The following FAM81B variants were observed in gnomAD, a reference collection of about 807,000 sequenced individuals.
The protein encoded by FAM81B is family with sequence similarity 81 member B.
Under a neutral mutation model 58.7 loss-of-function variants are expected in FAM81B, and 60 were observed. The observed-to-expected ratio is 1.02, with a 90% CI of 0.83 to 1.27. The LOEUF (loss-of-function observed/expected upper bound fraction) is 1.27, where lower values mean the gene tolerates loss of function less well. Among genes scored for constraint, FAM81B ranks in the 50% most tolerant of loss-of-function variants. The pLI, the probability that FAM81B is intolerant of heterozygous loss-of-function variation, is 0.00. For synonymous variants in FAM81B, 189 were observed against 179.6 expected, an observed-to-expected ratio of 1.05 and a Z score of -0.42; for missense variants, 491 against 522.0, an observed-to-expected ratio of 0.94 and a Z score of 0.58.
Position 95,391,442 on chromosome 5 carries a change from C to T in FAM81B, c.53C>T (p.Ser18Leu). 6.2e-7 allele frequency: 1 copy of T among 1,613,630 alleles called. No individual in the cohort carries two copies. Among genetic ancestry groups the T allele is most frequent in the Non-Finnish European group, 8.5e-7 (1 of 1,179,736 alleles). Residue 18 changes from serine (S) to leucine (L), a missense_variant, in exon 1 of 10, where the codon TCA becomes TTA. Coordinates refer to ENST00000283357, the MANE Select transcript of FAM81B (RefSeq NM_152548.3). ...TLASSEKRKK[S>L]QRLFFKNIKS... ...GCTTCCTCAGAAAAAAGAAAAAAAT[C>T]ACAGAGATTGTTTTTCAAAAATATC...
intron 3 of FAM81B, among the ~76,000 whole-genome samples, chr5:95,397,434 G>A (rs771810364): frequency 6.6e-6 from 1 of 152,144 alleles, no homozygotes; most frequent in African/African-American, 2.4e-5. Context: ...GGAGAAAAGG[G>A]AAACTTGTCC....
At chr5:95,437,470 G>C (rs1282803820) in intron 7 of FAM81B, among the ~76,000 whole-genome samples, 1 of 152,148 alleles carries the variant, frequency 6.6e-6, no homozygotes, top group African/African-American at 2.4e-5. Flanking sequence ...TCAGCCTCCT[G>C]AGTAGCTGGG....
chr5:95,413,806 C>T (rs1762465023), intron 3 of FAM81B, 141 bp from the exon 4 acceptor site: 2 of 1,397,636 alleles, frequency 1.4e-6, no homozygotes, highest in Non-Finnish European at 1.9e-6. Flanking sequence ...AAATTCTAAC[C>T]ATGGCAAGTG....
intron 4 of FAM81B, among the ~76,000 whole-genome samples, chr5:95,416,908 G>A (rs1582802022): frequency 6.6e-6 from 1 of 152,044 alleles, no homozygotes; most frequent in African/African-American, 2.4e-5. Context: ...GCTGGGTAGG[G>A]TAGTGCACGC....
At chr5:95,423,616 A>C (rs935075126) in intron 5 of FAM81B, among the ~76,000 whole-genome samples, 4 of 152,130 alleles carry the variant, frequency 2.6e-5, no homozygotes, top group African/African-American at 9.7e-5. Context: ...TGTTCTTTAA[A>C]GAAACATAAT....
chr5:95,419,745 A>T (rs1423583146), intron 4 of FAM81B, among the ~76,000 whole-genome samples: 1 of 152,206 alleles, frequency 6.6e-6, no homozygotes, highest in African/African-American at 2.4e-5. Context: ...TTCATTGTGT[A>T]TGAATCAGGT....
At chr5:95,444,610 C>A (rs536534578) in intron 7 of FAM81B, among the ~76,000 whole-genome samples, 43 of 152,220 alleles carry the variant, frequency 2.8e-4, no homozygotes, top group African/African-American at 9.9e-4. Context: ...CATGATTAGA[C>A]TAAGAACACG....
At chr5:95,404,969 C>T (rs1762208016) in intron 3 of FAM81B, among the ~76,000 whole-genome samples, 1 of 152,086 alleles carries the variant, frequency 6.6e-6, no homozygotes, top group South Asian at 2.1e-4. Context: ...AGATTTTATT[C>T]TGAGAGAATG....
chr5:95,434,805 C>T (rs73141959), intron 6 of FAM81B, among the ~76,000 whole-genome samples: 3,046 of 152,208 alleles, frequency 0.02, 105 homozygotes, highest in African/African-American at 0.07. Context: ...TTGGCTGTGT[C>T]CTTTTGATAT....
intron 5 of FAM81B, among the ~76,000 whole-genome samples, chr5:95,428,200 A>G (rs554230245): frequency 6.6e-6 from 1 of 152,334 alleles, no homozygotes; most frequent in East Asian, 1.9e-4. Flanking sequence ...AAGAGAGGAA[A>G]GTGGATTTAG....
intron 7 of FAM81B, among the ~76,000 whole-genome samples, chr5:95,441,885 C>T (rs1745372613): frequency 6.6e-6 from 1 of 152,186 alleles, no homozygotes; most frequent in African/African-American, 2.4e-5. Context: ...TCTTGGCCAT[C>T]AGGAAATAAA....
chr5:95,412,668 GTC>G (rs1762435508), intron 3 of FAM81B, among the ~76,000 whole-genome samples: 1 of 152,158 alleles, frequency 6.6e-6, no homozygotes, highest in Non-Finnish European at 1.5e-5. Flanking sequence ...TTCCAAATCT[GTC>G]ATGGTTTGGG....
At position 95,450,352 on chromosome 5, in the gene FAM81B, G is replaced by C; in HGVS notation, c.*70G>C. 2 of 1,584,446 alleles carry C rather than the reference G, an allele frequency of 1.3e-6. No homozygotes were observed. Among genetic ancestry groups the C allele is most frequent in the Non-Finnish European group, 1.7e-6 (2 of 1,170,512 alleles). ...GTTGGAAAAAGTTCTGAAGAAGAAAGTTACTATCTCTGGGATGTTTACTGC... is the reference window on the plus strand; with the variant it reads ...GTTGGAAAAAGTTCTGAAGAAGAAACTTACTATCTCTGGGATGTTTACTGC... On this transcript the variant is annotated 3_prime_UTR_variant, in exon 10 of 10. Transcript: ENST00000283357.
chr5:95,428,378 A>G (rs564951448), intron 5 of FAM81B, among the ~76,000 whole-genome samples: 1 of 152,306 alleles, frequency 6.6e-6, no homozygotes, highest in East Asian at 1.9e-4. Flanking sequence ...AACTATTTCA[A>G]GTTGGTGCTC....
At chr5:95,441,542 C>T (rs968502314) in intron 7 of FAM81B, among the ~76,000 whole-genome samples, 2 of 151,874 alleles carry the variant, frequency 1.3e-5, no homozygotes, top group African/African-American at 4.8e-5. Flanking sequence ...CTCCTCCAGC[C>T]TGGCGACAGA....
chr5:95,417,825 T>C (rs902102744), intron 4 of FAM81B, among the ~76,000 whole-genome samples: 7 of 152,208 alleles, frequency 4.6e-5, no homozygotes, highest in African/African-American at 1.7e-4. Context: ...GGCTCCAGGC[T>C]GCTTGCAGTA....
At position 95,420,372 on chromosome 5, in the gene FAM81B, G is replaced by T; in HGVS notation, c.626G>T (p.Gly209Val). 1 of 1,613,838 alleles carries T rather than the reference G, an allele frequency of 6.2e-7. No homozygotes were observed. The highest frequency in any genetic ancestry group is 8.5e-7 in the Non-Finnish European group (1 of 1,179,768). ...GAGATAAACATCAAACACCTACAAG[G>T]AGTTGGAGATCTTCGAGGAAGAGTA... Reference protein sequence around the residue: ...VHEINIKHLQGVGDLRGRVAR... With the variant: ...VHEINIKHLQVVGDLRGRVAR... The change falls in exon 5 of 10, where the codon GGA (glycine) becomes GTA (valine). Residue 209 changes from glycine (G) to valine (V), a missense_variant. Gly to Val is a moderately radical substitution (Grantham distance 109). Coordinates refer to ENST00000283357, the MANE Select transcript of FAM81B (RefSeq NM_152548.3).
intron 2 of FAM81B, among the ~76,000 whole-genome samples, chr5:95,393,248 A>G (rs1276737764): frequency 6.6e-6 from 1 of 152,206 alleles, no homozygotes; most frequent in African/African-American, 2.4e-5. Context: ...TGTTTCCTTT[A>G]TTAGAACTTG....
chr5:95,420,140 T>C, intron 4 of FAM81B, 144 bp from the exon 5 acceptor site: 1 of 939,058 alleles, frequency 1.1e-6, no homozygotes, highest in Middle Eastern at 3.4e-4. Flanking sequence ...CAGAGATCAC[T>C]TCTCTCTGAG....
Sources: allele counts gnomAD v4.1 joint callset (sites outside exome capture counted in the v4.1 genomes callset), GRCh38; gene constraint gnomAD v4.1.1; transcripts MANE v1.5; gene names NCBI Gene and HGNC (gene_info 2026-07-23, HGNC 2026-07-21).